Variants in RYR3 observed in about 807,000 individuals in gnomAD.
The protein encoded by RYR3 is ryanodine receptor 3.
A neutral mutation model predicts 584.3 loss-of-function variants in RYR3; 207 were observed. The ratio of observed to expected loss-of-function variants is 0.35; its 90% CI spans 0.32 to 0.40. The LOEUF is 0.40. Among genes scored for constraint, RYR3 ranks in the 10% least tolerant of loss-of-function variants. RYR3 has a pLI of 1.00. For missense variants in RYR3, 5,616 were observed against 6,089.2 expected, an observed-to-expected ratio of 0.92 and a Z score of 2.59; for synonymous variants, 2,416 against 2,248.5, an observed-to-expected ratio of 1.07 and a Z score of -2.11.
intron 90 of RYR3, 61 bp from the exon 91 acceptor site, chr15:33,841,803 C>T (rs2078383863): frequency 7.3e-6 from 11 of 1,510,270 alleles, no homozygotes; most frequent in Non-Finnish European, 9.8e-6. Context: ...AATCTAGTCT[C>T]CCTTTTTGGG....
intron 16 of RYR3, among the ~76,000 whole-genome samples, chr15:33,587,897 A>G (rs1294550225): frequency 6.6e-6 from 1 of 152,220 alleles, no homozygotes; most frequent in Non-Finnish European, 1.5e-5. Flanking sequence ...GCAACACTTC[A>G]TCTTTGCTTG....
intron 38 of RYR3, among the ~76,000 whole-genome samples, chr15:33,675,164 A>G (rs2064095488): frequency 6.6e-6 from 1 of 152,228 alleles, no homozygotes; most frequent in African/African-American, 2.4e-5. Context: ...GTATTTTGTA[A>G]TATTTGGTCT....
At chr15:33,714,892 G>A (rs2067385027) in intron 43 of RYR3, among the ~76,000 whole-genome samples, 1 of 152,174 alleles carries the variant, frequency 6.6e-6, no homozygotes, top group East Asian at 1.9e-4. Flanking sequence ...AGAGTGATCA[G>A]AAACATGTAT....
chr15:33,649,612 A>G (rs2062341212), intron 31 of RYR3, among the ~76,000 whole-genome samples: 1 of 152,252 alleles, frequency 6.6e-6, no homozygotes, highest in African/African-American at 2.4e-5. Context: ...ATAAAAAGAT[A>G]TACCACATCA....
intron 1 of RYR3, among the ~76,000 whole-genome samples, chr15:33,318,064 C>G (rs1481096024): frequency 6.6e-6 from 1 of 152,242 alleles, no homozygotes; most frequent in African/African-American, 2.4e-5. Context: ...AGAAATTACA[C>G]TCAACATGAG....
At chr15:33,604,133 T>C (rs2059800138) in intron 18 of RYR3, among the ~76,000 whole-genome samples, 1 of 152,234 alleles carries the variant, frequency 6.6e-6, no homozygotes. Flanking sequence ...AAAACTGCAA[T>C]TGGAGACGTC....
chr15:33,690,036 T>C (rs1242489811), intron 38 of RYR3, among the ~76,000 whole-genome samples: 2 of 152,234 alleles, frequency 1.3e-5, no homozygotes, highest in African/African-American at 2.4e-5. Context: ...AACTTGTGAA[T>C]TGGTGTACGT....
chr15:33,559,313 T>A (rs995551160), intron 10 of RYR3, among the ~76,000 whole-genome samples: 1 of 152,146 alleles, frequency 6.6e-6, no homozygotes, highest in Non-Finnish European at 1.5e-5. Flanking sequence ...TGTTGTGCAA[T>A]GTTCCTTTAT....
Position 33,391,356 on chromosome 15 carries a change from G to A in RYR3, c.51+80260G>A, listed in dbSNP as rs532948701. 9.9e-5 allele frequency among the ~76,000 whole-genome samples: 15 copies of A among 152,208 alleles called. No homozygotes were observed. The South Asian group carries it at 2.5e-3, about 25-fold the overall frequency. On this transcript the variant is annotated intron_variant, in intron 1 of 103. Transcript: ENST00000634891. ...AGTAGTTAAAATTTGGGCCAGGTGC[G>A]GTGGCTCACACCTGTAATCCCAGCA...
chr15:33,405,635 A>C (rs1452301322), intron 1 of RYR3, among the ~76,000 whole-genome samples: 1 of 152,234 alleles, frequency 6.6e-6, no homozygotes, highest in Non-Finnish European at 1.5e-5. Flanking sequence ...CAAGCAAGTA[A>C]GGCACGTTGA....
At position 33,552,897 on chromosome 15, in the gene RYR3, C is replaced by G. The variant is rs935900583; in HGVS notation, c.972+2581C>G. Among the ~76,000 whole-genome samples the G allele has an allele frequency of 2.0e-5, 3 of 152,312 alleles. No individual in the cohort carries two copies. In the South Asian group the frequency reaches 6.2e-4, roughly 32 times the overall value. On this transcript the variant is annotated intron_variant, in intron 10 of 103. Coordinates refer to ENST00000634891, the MANE Select transcript of RYR3 (RefSeq NM_001036.6). ...CACGGGCTTTCCTTAAATGCATTCT[C>G]TGTGCTTCCCCTCCCTGGGCGCTAG... is the stretch of plus-strand genomic sequence containing the variant.
chr15:33,653,604 A>G (rs1269103610), intron 32 of RYR3, among the ~76,000 whole-genome samples: 1 of 151,872 alleles, frequency 6.6e-6, no homozygotes, highest in Non-Finnish European at 1.5e-5. Context: ...TGGGAGGCAG[A>G]GGTTGCAGTG....
At chr15:33,576,249 C>A (rs930735357) in intron 12 of RYR3, among the ~76,000 whole-genome samples, 7 of 152,184 alleles carry the variant, frequency 4.6e-5, no homozygotes, top group Admixed American at 3.3e-4. Context: ...AAAGGAGAGA[C>A]TCCTCCCGAA....
chr15:33,558,083 ATTCTTTTTTAAAT>A (rs1352745407), intron 10 of RYR3, among the ~76,000 whole-genome samples: 1 of 151,800 alleles, frequency 6.6e-6, no homozygotes, highest in Non-Finnish European at 1.5e-5. Flanking sequence ...TTCTGAGAAC[ATTCTTTTTTAAAT>A]TTATTTGTTT....
intron 1 of RYR3, among the ~76,000 whole-genome samples, chr15:33,469,882 C>G (rs1567307832): frequency 6.6e-6 from 1 of 152,054 alleles, no homozygotes; most frequent in African/African-American, 2.4e-5. Context: ...TGGGAAGGAT[C>G]CAACAGAAAG....
At chr15:33,527,586 C>CA (rs34864486) in intron 3 of RYR3, among the ~76,000 whole-genome samples, 64,477 of 127,258 alleles carry the variant, frequency 0.51, 15,919 homozygotes, top group Middle Eastern at 0.66. Flanking sequence ...AACTCTGTCT[C>CA]AAAAAAAAAA....
In RYR3 at chr15:33,317,192, T is replaced by A. The variant is rs145174021; in HGVS notation, c.51+6096T>A. ...TCCTTCCTATTCCCCTTCCTGTTTC[T>A]TTTATGAGCCCATTTTTTCTTTCGC... On this transcript the variant is annotated intron_variant, in intron 1 of 103. Coordinates refer to ENST00000634891, the MANE Select transcript of RYR3 (RefSeq NM_001036.6). Among the ~76,000 whole-genome samples the A allele has an allele frequency of 7.3e-3, 1,111 of 152,316 alleles. 13 individuals carry two copies. The highest frequency in any genetic ancestry group is 0.027 in the Middle Eastern group (8 of 294).
chr15:33,647,204 C>G (rs1438672447), intron 29 of RYR3, among the ~76,000 whole-genome samples: 1 of 152,204 alleles, frequency 6.6e-6, no homozygotes, highest in Non-Finnish European at 1.5e-5. Context: ...ATCTAACTTA[C>G]CATCTGGGCT....
chr15:33,346,457 C>A (rs16969847), intron 1 of RYR3, among the ~76,000 whole-genome samples: 7,801 of 152,296 alleles, frequency 0.051, 296 homozygotes, highest in Middle Eastern at 0.11. Flanking sequence ...GTAACCCATG[C>A]AGCTGCAAGA....
Sources: gnomAD v4.1 joint callset for allele counts (sites outside exome capture counted in the v4.1 genomes callset) on GRCh38, gnomAD v4.1.1 for gene constraint, MANE v1.5 for transcripts, NCBI Gene and HGNC (gene_info 2026-07-23, HGNC 2026-07-21) for gene names.